The following LSAMP variants were observed in gnomAD, a reference collection of about 807,000 sequenced individuals.
LSAMP encodes the protein limbic system-associated membrane protein.
A neutral mutation model predicts 38.6 loss-of-function variants in LSAMP; 7 were observed. The ratio of observed to expected loss-of-function variants is 0.18; its 90% CI spans 0.10 to 0.34. The LOEUF (loss-of-function observed/expected upper bound fraction) is 0.34. LSAMP is among the 10% of genes least tolerant of loss of function. LSAMP has a pLI of 1.00. For synonymous variants in LSAMP, 154 were observed against 166.8 expected (o/e 0.92, Z 0.59); for missense variants, 313 against 420.0 (o/e 0.75, Z 2.23).
chr3:116,105,555 G>A (rs544427367), intron 1 of LSAMP, among the ~76,000 whole-genome samples: 4 of 152,148 alleles, frequency 2.6e-5, no homozygotes, highest in African/African-American at 4.8e-5. Context: ...GGGCAGGGGC[G>A]GGGGTCACAA....
intron 3 of LSAMP, among the ~76,000 whole-genome samples, chr3:115,871,402 T>C (rs564466650): frequency 9.2e-5 from 14 of 152,186 alleles, no homozygotes; most frequent in African/African-American, 3.4e-4. Context: ...GGTGTATTCC[T>C]GGGAAATCAA....
chr3:116,064,489 C>A (rs1314567331), intron 2 of LSAMP, among the ~76,000 whole-genome samples: 1 of 133,704 alleles, frequency 7.5e-6, no homozygotes, highest in Non-Finnish European at 1.5e-5. Context: ...CATTCCAGAG[C>A]GAGACTCCGT....
chr3:116,341,248 T>G (rs1288858784), intron 1 of LSAMP, among the ~76,000 whole-genome samples: 2 of 151,972 alleles, frequency 1.3e-5, no homozygotes, highest in Non-Finnish European at 2.9e-5. Context: ...AGAAAAAAAC[T>G]AATATTATAT....
At chr3:116,260,279 G>A (rs1174415420) in intron 1 of LSAMP, among the ~76,000 whole-genome samples, 1 of 152,034 alleles carries the variant, frequency 6.6e-6, no homozygotes. Flanking sequence ...ACACTGCCTA[G>A]TGGTAGGTAG....
At chr3:116,276,016 A>G (rs943380778) in intron 1 of LSAMP, among the ~76,000 whole-genome samples, 27 of 152,242 alleles carry the variant, frequency 1.8e-4, no homozygotes, top group African/African-American at 6.3e-4. Flanking sequence ...ACAACCTTGA[A>G]AAACATGTTT....
intron 1 of LSAMP, among the ~76,000 whole-genome samples, chr3:116,265,665 C>T (rs1559804849): frequency 6.6e-6 from 1 of 152,164 alleles, no homozygotes; most frequent in Non-Finnish European, 1.5e-5. Context: ...ATCCTCCCCA[C>T]CTGTGAAAAG....
chr3:116,374,088 C>T (rs954773298), intron 1 of LSAMP, among the ~76,000 whole-genome samples: 6 of 151,826 alleles, frequency 4.0e-5, no homozygotes, highest in African/African-American at 1.2e-4. Flanking sequence ...TAAAAGAAAA[C>T]GCCATCTATA....
At chr3:116,180,607 A>G (rs1710462548) in intron 1 of LSAMP, among the ~76,000 whole-genome samples, 1 of 152,140 alleles carries the variant, frequency 6.6e-6, no homozygotes, top group Non-Finnish European at 1.5e-5. Flanking sequence ...GAAGTAGAGG[A>G]ATAAGAGAAA....
chr3:116,147,949 G>T (rs951520050), intron 1 of LSAMP, among the ~76,000 whole-genome samples: 8 of 150,618 alleles, frequency 5.3e-5, no homozygotes, highest in Non-Finnish European at 8.8e-5. Flanking sequence ...CACTTAATAT[G>T]AATAAAACTA....
chr3:116,101,344 A>G (rs1022738855), intron 1 of LSAMP, among the ~76,000 whole-genome samples: 1 of 152,242 alleles, frequency 6.6e-6, no homozygotes, highest in East Asian at 1.9e-4. Context: ...AGGTCTAGAA[A>G]AATGATGATA....
intron 3 of LSAMP, among the ~76,000 whole-genome samples, chr3:115,937,709 C>G (rs1034588169): frequency 5.3e-5 from 8 of 151,966 alleles, no homozygotes; most frequent in Non-Finnish European, 1.2e-4. Flanking sequence ...TGGTTCATCT[C>G]TTTACACATG....
At chr3:115,927,009 A>G (rs111973691) in intron 3 of LSAMP, among the ~76,000 whole-genome samples, 25 of 152,226 alleles carry the variant, frequency 1.6e-4, no homozygotes, top group African/African-American at 5.5e-4. Flanking sequence ...GAAAAATAAT[A>G]AATGCTTAAG....
Position 116,170,216 on chromosome 3 carries a change from A to C in LSAMP, c.156-83660T>G, listed in dbSNP as rs543152344. Among the ~76,000 whole-genome samples the C allele has an allele frequency of 9.9e-5, 15 of 152,276 alleles. No homozygotes were observed. In the South Asian group the frequency reaches 2.7e-3, roughly 27 times the overall value. On this transcript the variant is annotated intron_variant, in intron 1 of 6. Transcript: ENST00000490035. ...GGAAATTTTTTTCCAATCTGCATCC[A>C]AAGCAAGAAAAAAGTAACGAAGAAG...
chr3:115,953,439 ACAC>A (rs1559894839), intron 3 of LSAMP, among the ~76,000 whole-genome samples: 9 of 149,052 alleles, frequency 6.0e-5, no homozygotes, highest in African/African-American at 2.2e-4. Context: ...ACACACACAC[ACAC>A]AATGTCTAAA....
intron 1 of LSAMP, among the ~76,000 whole-genome samples, chr3:116,209,878 G>A (rs2046131326): frequency 6.6e-6 from 1 of 152,114 alleles, no homozygotes; most frequent in Admixed American, 6.6e-5. Context: ...TAGCCTCCGA[G>A]TAGCTGGGAC....
chr3:115,996,731 C>A (rs1053209750), intron 3 of LSAMP, among the ~76,000 whole-genome samples: 4 of 151,982 alleles, frequency 2.6e-5, no homozygotes, highest in Non-Finnish European at 4.4e-5. Flanking sequence ...ATCCTTTATT[C>A]ATTTCTTTAT....
At chr3:116,023,429 C>T (rs913418376) in intron 2 of LSAMP, among the ~76,000 whole-genome samples, 2 of 146,444 alleles carry the variant, frequency 1.4e-5, no homozygotes, top group Non-Finnish European at 3.0e-5. Flanking sequence ...CCCATCTCTA[C>T]TAAAAATACT....
intron 3 of LSAMP, among the ~76,000 whole-genome samples, chr3:115,896,980 C>T (rs965490805): frequency 6.6e-6 from 1 of 152,076 alleles, no homozygotes; most frequent in Non-Finnish European, 1.5e-5. Flanking sequence ...TGTATCTATT[C>T]CCACTCCTTT....
intron 2 of LSAMP, among the ~76,000 whole-genome samples, chr3:116,047,377 A>C (rs1240952613): frequency 1.8e-5 from 1 of 54,502 alleles, no homozygotes; most frequent in Non-Finnish European, 3.9e-5. Flanking sequence ...TCTAGTCTAA[A>C]AAAAAAAAAA....
Sources: allele counts gnomAD v4.1 joint callset (sites outside exome capture counted in the v4.1 genomes callset), GRCh38; gene constraint gnomAD v4.1.1; transcripts MANE v1.5; gene names NCBI Gene and HGNC (gene_info 2026-07-23, HGNC 2026-07-21).